The following APPBP2 variants were observed in gnomAD, a reference collection of about 807,000 sequenced individuals.
The protein encoded by APPBP2 is amyloid protein-binding protein 2.
APPBP2 carries 15 observed loss-of-function variants against 76.0 expected under a neutral mutation model. That is an observed-to-expected ratio of 0.20 (90% CI 0.13 to 0.30). APPBP2 has a LOEUF of 0.30. APPBP2 is among the 10% of genes least tolerant of loss of function. The pLI is 1.00. For synonymous variants in APPBP2, 222 were observed against 242.2 expected (o/e 0.92, Z 0.77); for missense variants, 401 against 687.2 (o/e 0.58, Z 4.66).
In APPBP2 at chr17:60,526,089, G is replaced by A. The variant is rs2091052925; in HGVS notation, c.-158C>T. 5 of 664,728 alleles carry A rather than the reference G, an allele frequency of 7.5e-6. No individual in the cohort carries two copies. The highest frequency in any genetic ancestry group is 1.3e-5 in the Non-Finnish European group (5 of 394,514). 41.2% of individuals were successfully genotyped at this position (664,728 alleles called of 1,614,324 possible). A position where few individuals can be genotyped will look rare whatever the true frequency, so the allele number is the denominator to read the frequency against. ...CACGGCCGCCCTGCCTCCTCCGGGG[G>A]CAAACTGAGGGACGGCGGCAGCGGA... On this transcript the variant is annotated 5_prime_UTR_variant, in exon 1 of 13. Coordinates refer to ENST00000083182, the MANE Select transcript of APPBP2 (RefSeq NM_006380.5).
rs553220184 is a variant in APPBP2, at chr17:60,508,096, C to T, written c.139-7609G>A. ...CAAGCGATTCTCCAGCCTCAGCCTC[C>T]GGAGTAGCTGGGACTACAGGTGCGA... On this transcript the variant is annotated intron_variant, in intron 1 of 12. Transcript: ENST00000083182. 1.1e-4 allele frequency among the ~76,000 whole-genome samples: 17 copies of T among 152,194 alleles called. No homozygotes were observed. The South Asian group carries it at 1.7e-3, about 15-fold the overall frequency.
At chr17:60,456,430 A>AT in intron 9 of APPBP2, 49 bp from the exon 10 acceptor site, 1 of 1,202,328 alleles carries the variant, frequency 8.3e-7, no homozygotes, top group Non-Finnish European at 1.2e-6. Context: ...GTTACAAATG[A>AT]TTTAGGAATT....
intron 1 of APPBP2, chr17:60,513,341 T>C: frequency 1.7e-6 from 1 of 605,982 alleles, no homozygotes; most frequent in South Asian, 1.9e-5. Context: ...AAAACACACC[T>C]GAAACTAGAG....
chr17:60,455,926 C>T (rs1423790277), intron 10 of APPBP2, among the ~76,000 whole-genome samples: 7 of 152,068 alleles, frequency 4.6e-5, no homozygotes, highest in African/African-American at 7.2e-5. Flanking sequence ...TACAGGTGCA[C>T]GCCACCACAT....
At chr17:60,447,985 C>A (rs2090363340) in intron 12 of APPBP2, 151 bp from the exon 13 acceptor site, 1 of 749,764 alleles carries the variant, frequency 1.3e-6, no homozygotes, top group Non-Finnish European at 2.1e-6. Context: ...GTATCAGCAT[C>A]CCCTAAATCA....
intron 1 of APPBP2, among the ~76,000 whole-genome samples, chr17:60,511,436 T>G (rs894901506): frequency 6.6e-6 from 1 of 151,860 alleles, no homozygotes; most frequent in Non-Finnish European, 1.5e-5. Flanking sequence ...AATACAAAAA[T>G]TAGCTGGGCG....
chr17:60,510,038 AAT>A (rs1318630245), intron 1 of APPBP2, among the ~76,000 whole-genome samples: 2 of 152,218 alleles, frequency 1.3e-5, no homozygotes, highest in South Asian at 2.1e-4. Context: ...AACATAAAAG[AAT>A]ATGTTTCATT....
chr17:60,490,010 G>C (rs138732756), intron 3 of APPBP2, among the ~76,000 whole-genome samples: 1,630 of 152,028 alleles, frequency 0.011, 20 homozygotes, highest in African/African-American at 0.037. Flanking sequence ...ACTCCAGCCT[G>C]GGTGATAGAG....
At position 60,462,165 on chromosome 17, in the gene APPBP2, C is replaced by A. The variant is rs2090480389; in HGVS notation, c.763-104G>T. 3.5e-6 allele frequency: 3 copies of A among 861,560 alleles called. No individual in the cohort carries two copies. In the African/African-American group the frequency reaches 5.1e-5, roughly 15 times the overall value. The allele number at this position is 861,560 out of a possible 1,614,324, so 53.4% of individuals were successfully genotyped here. A position where few individuals can be genotyped will look rare whatever the true frequency, so the allele number is the denominator to read the frequency against. ...CTATAAGAGTTAATAAGAAAAAAAACCCTCCAAACATAAATACAAAGGTTC... is the reference window on the plus strand; with the variant it reads ...CTATAAGAGTTAATAAGAAAAAAAAACCTCCAAACATAAATACAAAGGTTC... On this transcript the variant is annotated intron_variant, in intron 6 of 12. Coordinates refer to ENST00000083182, the MANE Select transcript of APPBP2 (RefSeq NM_006380.5).
At chr17:60,505,676 G>GTTTTTTTTTTTTTTTTTTTTTTT (rs1170935393) in intron 1 of APPBP2, among the ~76,000 whole-genome samples, 1 of 85,716 alleles carries the variant, frequency 1.2e-5, no homozygotes, top group African/African-American at 7.7e-5. Context: ...GACCCCTGCG[G>GTTTTTTTTTTTTTTTTTTTTTTT]TTTTTTTTTT....
In APPBP2 at chr17:60,504,371, C is replaced by T. The variant is rs539590744; in HGVS notation, c.139-3884G>A. Among the ~76,000 whole-genome samples, 4 of 152,100 alleles carry T rather than the reference C, an allele frequency of 2.6e-5. No homozygotes were observed. The Middle Eastern group carries it at 0.014, about 517-fold the overall frequency. On this transcript the variant is annotated intron_variant, in intron 1 of 12. Transcript: ENST00000083182. ...CAAAATGCAAAGTTCAAAAACAGACCTTAGTGTATATAAATATCAACGTAT... is the reference window on the plus strand; with the variant it reads ...CAAAATGCAAAGTTCAAAAACAGACTTTAGTGTATATAAATATCAACGTAT...
Position 60,461,796 on chromosome 17 carries a change from A to G in APPBP2, c.936+14T>C. ...ATACAGGTTGAAAGAAAAAAAGGGT[A>G]ACCATTAACATACCTGATAAATTGC... On this transcript the variant is annotated intron_variant, in intron 8 of 12. Transcript: ENST00000083182. 2.6e-6 allele frequency: 4 copies of G among 1,561,940 alleles called. No individual in the cohort carries two copies. The highest frequency in any genetic ancestry group is 3.5e-6 in the Non-Finnish European group (4 of 1,142,714).
At chr17:60,452,831 G>A (rs2090405272) in intron 11 of APPBP2, among the ~76,000 whole-genome samples, 1 of 152,214 alleles carries the variant, frequency 6.6e-6, no homozygotes, top group African/African-American at 2.4e-5. Flanking sequence ...TACTTGGGAA[G>A]CTGAGGTGAA....
intron 3 of APPBP2, among the ~76,000 whole-genome samples, chr17:60,482,253 T>C (rs992077234): frequency 1.3e-5 from 2 of 152,178 alleles, no homozygotes; most frequent in African/African-American, 4.8e-5. Context: ...ATTAAATACT[T>C]ATAAACAAGA....
rs1018074266 is a variant in APPBP2 at position 60,526,024 on chromosome 17, C to A, written c.-93G>T. ...AACCCCTCTGCGGCCCCGGAGGATTCGGAGGGGCGGTGGCAGCCACGCGGG... is the reference window on the plus strand; with the variant it reads ...AACCCCTCTGCGGCCCCGGAGGATTAGGAGGGGCGGTGGCAGCCACGCGGG... On this transcript the variant is annotated 5_prime_UTR_variant, in exon 1 of 13. Transcript: ENST00000083182. The A allele has an allele frequency of 3.1e-6, 4 of 1,310,724 alleles. No homozygotes were observed. In the African/African-American group the frequency reaches 6.0e-5, roughly 20 times the overall value. The allele number at this position is 1,310,724 out of a possible 1,614,324, so 81.2% of individuals were successfully genotyped here.
At chr17:60,518,318 AT>A in intron 1 of APPBP2, among the ~76,000 whole-genome samples, 1 of 150,356 alleles carries the variant, frequency 6.7e-6, no homozygotes, top group Non-Finnish European at 1.5e-5. Context: ...AAGTGCTGGG[AT>A]TACAGGCATG....
chr17:60,507,244 C>CA (rs905263410), intron 1 of APPBP2, among the ~76,000 whole-genome samples: 12 of 148,582 alleles, frequency 8.1e-5, no homozygotes, highest in Non-Finnish European at 1.2e-4. Flanking sequence ...TTTTTTGAGA[C>CA]AGAGTCTCAT....
At chr17:60,510,968 G>T (rs2090907480) in intron 1 of APPBP2, among the ~76,000 whole-genome samples, 1 of 152,004 alleles carries the variant, frequency 6.6e-6, no homozygotes, top group South Asian at 2.1e-4. Flanking sequence ...CCCCCCAATG[G>T]TTAAAAGAAT....
At chr17:60,514,995 G>T (rs1215784127) in intron 1 of APPBP2, among the ~76,000 whole-genome samples, 1 of 151,718 alleles carries the variant, frequency 6.6e-6, no homozygotes, top group Non-Finnish European at 1.5e-5. Context: ...GTAGAGACGG[G>T]GTTTCACTAT....
Sources: gnomAD v4.1 joint callset for allele counts (sites outside exome capture counted in the v4.1 genomes callset) on GRCh38, gnomAD v4.1.1 for gene constraint, MANE v1.5 for transcripts, NCBI Gene and HGNC (gene_info 2026-07-23, HGNC 2026-07-21) for gene names.